The following NUP107 variants were observed in gnomAD, a reference collection of about 807,000 sequenced individuals.
NUP107 encodes the protein nuclear pore complex protein Nup107.
In NUP107, 101 loss-of-function variants were observed where a neutral mutation model predicts 141.0. The ratio of observed to expected loss-of-function variants is 0.72; its 90% CI spans 0.61 to 0.84. The LOEUF (loss-of-function observed/expected upper bound fraction) is 0.84, where lower values mean the gene tolerates loss of function less well. NUP107 is among the 40% of genes least tolerant of loss of function. NUP107 has a pLI of 0.00. For synonymous variants in NUP107, 319 were observed against 363.9 expected (o/e 0.88, Z 1.41); for missense variants, 941 against 1,102.7 (o/e 0.85, Z 2.08).
At chr12:68,689,315 A>C (rs866155739) in intron 2 of NUP107, among the ~76,000 whole-genome samples, 5 of 152,242 alleles carry the variant, frequency 3.3e-5, no homozygotes, top group African/African-American at 1.2e-4. Context: ...AAACTGACTA[A>C]AAACATTTAG....
chr12:68,713,300 G>A (rs1022315531), intron 10 of NUP107, among the ~76,000 whole-genome samples: 1 of 151,462 alleles, frequency 6.6e-6, no homozygotes, highest in Non-Finnish European at 1.5e-5. Flanking sequence ...ACTTGAGTCC[G>A]GGAGGTCGAG....
chr12:68,714,769 T>G (rs1355671178), intron 11 of NUP107, among the ~76,000 whole-genome samples: 2 of 152,196 alleles, frequency 1.3e-5, no homozygotes, highest in Non-Finnish European at 2.9e-5. Flanking sequence ...TAGAAATAAC[T>G]GTTTTGGGAG....
At chr12:68,717,234 T>C (rs1412137327) in intron 12 of NUP107, among the ~76,000 whole-genome samples, 2 of 152,142 alleles carry the variant, frequency 1.3e-5, no homozygotes, top group Admixed American at 6.6e-5. Flanking sequence ...TACAATCATA[T>C]TATTGAAGGC....
rs1364257297 is a variant in NUP107 at position 68,732,733 on chromosome 12, T to G, written c.2095T>G (p.Phe699Val). Residue 699 changes from phenylalanine to valine, a missense_variant, in exon 23 of 28, where the codon TTC (phenylalanine) becomes GTC (valine). Coordinates refer to ENST00000229179, the MANE Select transcript of NUP107 (RefSeq NM_020401.4). Reference sequence around the variant, plus strand: ...ACAAGGCAATGCAATTATGAGAAAATTCTTGGGTATAGTATATTTTTATGC... The same window carrying G: ...ACAAGGCAATGCAATTATGAGAAAAGTCTTGGGTATAGTATATTTTTATGC... ...LKQGNAIMRK[F>V]LASKKHEAAK... 8 of 1,596,880 alleles carry G rather than the reference T, an allele frequency of 5.0e-6. No homozygotes were observed. The highest frequency in any genetic ancestry group is 6.9e-6 in the Non-Finnish European group (8 of 1,166,518).
chr12:68,697,314 C>T (rs758003313), intron 6 of NUP107, among the ~76,000 whole-genome samples: 2 of 152,008 alleles, frequency 1.3e-5, no homozygotes, highest in Non-Finnish European at 2.9e-5. Flanking sequence ...ATTCTAGCTC[C>T]TTGGGAGGCT....
chr12:68,702,186 G>A (rs1015573229), intron 7 of NUP107, among the ~76,000 whole-genome samples: 16 of 152,022 alleles, frequency 1.1e-4, no homozygotes, highest in African/African-American at 3.6e-4. Context: ...ACAGGGTTTT[G>A]CCATGTTGGC....
At chr12:68,736,499 C>T (rs1878072456) in intron 26 of NUP107, among the ~76,000 whole-genome samples, 1 of 151,974 alleles carries the variant, frequency 6.6e-6, no homozygotes, top group South Asian at 2.1e-4. Flanking sequence ...TCACTGCAGC[C>T]TCAAACTTCT....
At chr12:68,719,787 C>T (rs1231055834) in intron 14 of NUP107, 133 bp downstream of exon 14, 4 of 658,666 alleles carry the variant, frequency 6.1e-6, no homozygotes, top group South Asian at 3.7e-5. Flanking sequence ...GAGGAATAGG[C>T]TTAACTACTT....
chr12:68,725,120 T>G (rs1017473835), intron 17 of NUP107, among the ~76,000 whole-genome samples: 4 of 152,200 alleles, frequency 2.6e-5, no homozygotes, highest in Non-Finnish European at 4.4e-5. Flanking sequence ...AGCAAAGGTT[T>G]GAATGTAAAA....
rs1319894670 is a variant in NUP107, at chr12:68,700,835, T to A, written c.662T>A (p.Leu221Gln). 1 of 1,597,494 alleles carries A rather than the reference T, an allele frequency of 6.3e-7. No individual in the cohort carries two copies. The highest frequency in any genetic ancestry group is 8.5e-7 in the Non-Finnish European group (1 of 1,175,872). ...CAACAGGAGATGGTCACATGGAGGC[T>A]GCTGGCTTCTTTGTATAGGTAATGG... ...LLQQEMVTWR[L>Q]LASLYRDRIQ... The change falls in exon 7 of 28, where the codon CTG (leucine) becomes CAG (glutamine). Residue 221 changes from leucine to glutamine, a missense_variant. By Grantham distance (113) the Leu-to-Gln change is moderately radical (BLOSUM62 -2). Transcript: ENST00000229179.
chr12:68,708,691 C>T (rs755576171), intron 8 of NUP107, among the ~76,000 whole-genome samples: 12 of 152,018 alleles, frequency 7.9e-5, no homozygotes, highest in Non-Finnish European at 5.9e-5. Context: ...GTGATCTCAG[C>T]TCACTGCAAC....
Position 68,721,881 on chromosome 12 carries a change from C to T in NUP107, c.1352C>T (p.Ala451Val). Reference protein sequence around the residue: ...VCDTWEDTVWAYFRVMVDSLV... With the variant: ...VCDTWEDTVWVYFRVMVDSLV... The stretch of plus-strand genomic sequence containing the variant: ...GACACCTGGGAAGACACAGTTTGGG[C>T]CTACTTCCGGGTGATGGTGGACAGT... Residue 451 changes from alanine (A) to valine (V), a missense_variant, in exon 16 of 28, where the codon GCC becomes GTC. Ala to Val is a moderately conservative substitution (Grantham distance 64, BLOSUM62 0). Transcript: ENST00000229179. The T allele has an allele frequency of 6.2e-7, 1 of 1,614,000 alleles. No individual in the cohort carries two copies. The highest frequency in any genetic ancestry group is 8.5e-7 in the Non-Finnish European group (1 of 1,179,956).
intron 26 of NUP107, among the ~76,000 whole-genome samples, chr12:68,735,652 G>A (rs1878037775): frequency 6.6e-6 from 1 of 152,176 alleles, no homozygotes; most frequent in Admixed American, 6.5e-5. Context: ...GATAACTCGA[G>A]TAGTATCAGT....
At position 68,687,020 on chromosome 12, in the gene NUP107, G is replaced by A. The variant is rs749997619; in HGVS notation, c.-46G>A. The A allele has an allele frequency of 2.7e-5, 43 of 1,614,006 alleles. No individual in the cohort carries two copies. In the South Asian group the frequency reaches 4.2e-4, roughly 16 times the overall value. On this transcript the variant is annotated 5_prime_UTR_variant, in exon 1 of 28. Coordinates refer to ENST00000229179, the MANE Select transcript of NUP107 (RefSeq NM_020401.4). ...AGAGCGGGAAGGCTAAAACGCGGTA[G>A]CTAAACTGCAGCCAACTTTGGTTGT...
At position 68,744,047 on chromosome 12, in the gene NUP107, GTATA is replaced by G; in HGVS notation, c.*1590_*1593del. The G allele has an allele frequency of 6.6e-6, 1 of 152,332 alleles. No individual in the cohort carries two copies. The highest frequency in any genetic ancestry group is 1.9e-4 in the East Asian group (1 of 5,184). 9.4% of individuals were successfully genotyped at this position (152,332 alleles called of 1,614,324 possible). The stretch of plus-strand genomic sequence containing the variant: ...GTAGTTTTGTTACTTGCAACAAACT[GTATA>G]TATAGAAACTTTGTACAACCCAGGG... On this transcript the variant is annotated 3_prime_UTR_variant, in exon 28 of 28. Transcript: ENST00000229179.
rs1356747636 is a variant in NUP107 at position 68,742,873 on chromosome 12, AAG to A, written c.*413_*414del. The stretch of plus-strand genomic sequence containing the variant: ...AGTATTTTTGAATATTAAAATTAAG[AAG>A]ATGACTATAACAAGAATTTTTCTAA... On this transcript the variant is annotated 3_prime_UTR_variant, in exon 28 of 28. Coordinates refer to ENST00000229179, the MANE Select transcript of NUP107 (RefSeq NM_020401.4). 1 of 152,222 alleles carries A rather than the reference AAG, an allele frequency of 6.6e-6. No homozygotes were observed. The highest frequency in any genetic ancestry group is 1.5e-5 in the Non-Finnish European group (1 of 68,036). 9.4% of individuals were successfully genotyped at this position (152,222 alleles called of 1,614,324 possible). A position where few individuals can be genotyped will look rare whatever the true frequency, so the allele number is the denominator to read the frequency against.
chr12:68,732,570 T>C, intron 22 of NUP107, 67 bp from the exon 23 acceptor site: 1 of 898,728 alleles, frequency 1.1e-6, no homozygotes, highest in Non-Finnish European at 1.7e-6. Context: ...ATTCTACTAA[T>C]TTGTAGAATA....
At chr12:68,727,285 TATCAAA>T in intron 19 of NUP107, 60 bp from the exon 20 acceptor site, 1 of 769,432 alleles carries the variant, frequency 1.3e-6, no homozygotes, top group Non-Finnish European at 2.2e-6. Flanking sequence ...ATGGAATTTG[TATCAAA>T]AATTTTGTTA....
In NUP107 at chr12:68,706,832, T is replaced by G. The variant is rs943193550; in HGVS notation, c.730-2406T>G. Reference sequence around the variant, plus strand: ...GGAGGATGAGGAGAGCCAGCTGGAGTCTGGGATGCAGAACATGAGTATCCA... The same window carrying G: ...GGAGGATGAGGAGAGCCAGCTGGAGGCTGGGATGCAGAACATGAGTATCCA... On this transcript the variant is annotated intron_variant, in intron 8 of 27. Transcript: ENST00000229179. 7.9e-6 allele frequency: 6 copies of G among 758,122 alleles called. No individual in the cohort carries two copies. In the African/African-American group the frequency reaches 1.0e-4, roughly 13 times the overall value. The allele number at this position is 758,122 out of a possible 1,614,324, so 47.0% of individuals were successfully genotyped here.
Sources: gnomAD v4.1 joint callset for allele counts (sites outside exome capture counted in the v4.1 genomes callset) on GRCh38, gnomAD v4.1.1 for gene constraint, MANE v1.5 for transcripts, NCBI Gene and HGNC (gene_info 2026-07-23, HGNC 2026-07-21) for gene names.